Variants in CHN2 observed in about 807,000 individuals in gnomAD.
CHN2 encodes chimerin 2.
Under a neutral mutation model 56.3 loss-of-function variants are expected in CHN2, and 35 were observed. That is an observed-to-expected ratio of 0.62 (90% CI 0.47 to 0.82). CHN2 has a LOEUF of 0.82. CHN2 is among the 40% of genes least tolerant of loss of function. The pLI is 0.00. For missense variants in CHN2, 491 were observed against 580.5 expected (o/e 0.85, Z 1.58); for synonymous variants, 210 against 212.8 (o/e 0.99, Z 0.12).
At chr7:29,392,130 C>T (rs1230170717) in intron 3 of CHN2, among the ~76,000 whole-genome samples, 3 of 152,164 alleles carry the variant, frequency 2.0e-5, no homozygotes, top group Non-Finnish European at 2.9e-5. Context: ...TTTGGAATAT[C>T]GCCTCTCAAA....
chr7:29,426,413 C>T (rs1196531551), intron 6 of CHN2, among the ~76,000 whole-genome samples: 1 of 152,032 alleles, frequency 6.6e-6, no homozygotes, highest in Non-Finnish European at 1.5e-5. Flanking sequence ...GTTTCTTTTA[C>T]GTATTTATTT....
intron 2 of CHN2, among the ~76,000 whole-genome samples, chr7:29,174,218 T>G (rs1206101564): frequency 1.3e-5 from 2 of 152,000 alleles, no homozygotes; most frequent in Non-Finnish European, 2.9e-5. Flanking sequence ...AAGCCTTAAT[T>G]AAGCTGTCAG....
intron 3 of CHN2, among the ~76,000 whole-genome samples, chr7:29,388,028 ATTAT>A (rs1378455545): frequency 2.6e-5 from 4 of 152,188 alleles, no homozygotes; most frequent in Non-Finnish European, 1.5e-5. Context: ...TTGTCAGGTA[ATTAT>A]TTAGGAGCAT....
chr7:29,487,784 T>C (rs1293274481), intron 7 of CHN2, among the ~76,000 whole-genome samples: 1 of 151,768 alleles, frequency 6.6e-6, no homozygotes, highest in African/African-American at 2.4e-5. Context: ...TCCAGAGGCA[T>C]CCAGTAGAGG....
chr7:29,316,721 AT>A (rs5883202), intron 1 of CHN2, among the ~76,000 whole-genome samples: 42,658 of 150,362 alleles, frequency 0.28, 6,418 homozygotes, highest in Non-Finnish European at 0.35. Context: ...AAGATGTGTG[AT>A]TTTTTTTTTT....
In CHN2 at chr7:29,231,085, G is replaced by A. The variant is rs113905740; in HGVS notation, c.49+36095G>A. 7.9e-3 allele frequency among the ~76,000 whole-genome samples: 1,200 copies of A among 152,236 alleles called. 14 individuals carry two copies. The highest frequency in any genetic ancestry group is 0.027 in the African/African-American group (1,126 of 41,522). ...CAGACTGCATTGTGATGAGCCTGGC[G>A]GGAGGACACGAAACAGTTCCAATAA... On this transcript the variant is annotated intron_variant, in intron 1 of 12. Coordinates refer to ENST00000222792, the MANE Select transcript of CHN2 (RefSeq NM_004067.4).
At chr7:29,512,463 T>C in intron 12 of CHN2, 101 bp from the exon 13 acceptor site, 1 of 1,015,482 alleles carries the variant, frequency 9.8e-7, no homozygotes, top group Non-Finnish European at 1.4e-6. Context: ...TCTTGCAATT[T>C]CCTGAACCAG....
chr7:29,300,816 A>G (rs775223267), intron 1 of CHN2, among the ~76,000 whole-genome samples: 2 of 152,232 alleles, frequency 1.3e-5, no homozygotes, highest in Non-Finnish European at 2.9e-5. Context: ...CCCATTTAAA[A>G]TGTGATTTAT....
At chr7:29,268,288 A>ACG (rs1790313377) in intron 1 of CHN2, among the ~76,000 whole-genome samples, 1 of 145,490 alleles carries the variant, frequency 6.9e-6, no homozygotes, top group African/African-American at 2.7e-5. Context: ...ACCAGAACAC[A>ACG]CACACACACA....
chr7:29,271,587 C>G (rs1055873093), intron 1 of CHN2, among the ~76,000 whole-genome samples: 1 of 152,168 alleles, frequency 6.6e-6, no homozygotes, highest in African/African-American at 2.4e-5. Context: ...CAGGTGCTTG[C>G]TGTTCAGGTT....
At chr7:29,289,583 T>A (rs995344124) in intron 1 of CHN2, among the ~76,000 whole-genome samples, 12 of 152,198 alleles carry the variant, frequency 7.9e-5, no homozygotes, top group African/African-American at 2.9e-4. Context: ...CAGAGGGTGA[T>A]GGCGGAAAGA....
At chr7:29,198,940 C>G (rs1584704679) in intron 1 of CHN2, among the ~76,000 whole-genome samples, 1 of 152,128 alleles carries the variant, frequency 6.6e-6, no homozygotes, top group South Asian at 2.1e-4. Flanking sequence ...AACGTAAACC[C>G]ACTGTATTAT....
intron 1 of CHN2, among the ~76,000 whole-genome samples, chr7:29,223,648 A>G (rs753892752): frequency 1.3e-5 from 2 of 152,120 alleles, no homozygotes; most frequent in Admixed American, 6.6e-5. Flanking sequence ...TATAAATTTA[A>G]TTGTATACAC....
chr7:29,209,397 G>A (rs1784758705), intron 1 of CHN2, among the ~76,000 whole-genome samples: 1 of 152,084 alleles, frequency 6.6e-6, no homozygotes, highest in East Asian at 1.9e-4. Context: ...TATTCACTTA[G>A]TAATAATATC....
intron 7 of CHN2, among the ~76,000 whole-genome samples, chr7:29,492,041 T>A (rs1170357185): frequency 6.6e-6 from 1 of 152,236 alleles, no homozygotes; most frequent in Non-Finnish European, 1.5e-5. Flanking sequence ...GTATATCCTT[T>A]AGTATTTCTT....
At chr7:29,238,795 A>C (rs966044596) in intron 1 of CHN2, among the ~76,000 whole-genome samples, 1 of 152,218 alleles carries the variant, frequency 6.6e-6, no homozygotes, top group Non-Finnish European at 1.5e-5. Flanking sequence ...AGAACATACT[A>C]GGTAGGGGAA....
chr7:29,394,978 T>C (rs967589447), intron 4 of CHN2, among the ~76,000 whole-genome samples: 3 of 152,214 alleles, frequency 2.0e-5, no homozygotes, highest in African/African-American at 4.8e-5. Flanking sequence ...GTAATTAGCC[T>C]AAAACCTTCA....
At chr7:29,272,566 G>C (rs7803622) in intron 1 of CHN2, among the ~76,000 whole-genome samples, 1 of 152,118 alleles carries the variant, frequency 6.6e-6, no homozygotes, top group South Asian at 2.1e-4. Flanking sequence ...GCTGGAGGAG[G>C]AAGGAAGGCT....
In CHN2 at chr7:29,302,173, T is replaced by C. The variant is rs1044805787; in HGVS notation, c.50-52452T>C. ...GTTTAGCGAGCGTGATTTTAAAAAT[T>C]GTGGTCAAATATACATAACATAAAT... is the stretch of plus-strand genomic sequence containing the variant. On this transcript the variant is annotated intron_variant, in intron 1 of 12. Coordinates refer to ENST00000222792, the MANE Select transcript of CHN2 (RefSeq NM_004067.4). Among the ~76,000 whole-genome samples the C allele has an allele frequency of 2.0e-5, 3 of 152,200 alleles. No individual in the cohort carries two copies. The South Asian group carries it at 6.2e-4, about 32-fold the overall frequency.
Sources: gnomAD v4.1 joint callset for allele counts (sites outside exome capture counted in the v4.1 genomes callset) on GRCh38, gnomAD v4.1.1 for gene constraint, MANE v1.5 for transcripts, NCBI Gene and HGNC (gene_info 2026-07-23, HGNC 2026-07-21) for gene names.